GTF2F2: variants seen among roughly 807,000 people sequenced by gnomAD.
GTF2F2 encodes general transcription factor IIF subunit 2, also known as ATP-dependent helicase GTF2F2.
A neutral mutation model predicts 42.2 loss-of-function variants in GTF2F2; 23 were observed. That is an observed-to-expected ratio of 0.55 (90% CI 0.39 to 0.77). The LOEUF is 0.77. Ranked by LOEUF, GTF2F2 falls within the 30% of genes least tolerant of loss-of-function variation. GTF2F2 has a pLI of 0.00. For missense variants in GTF2F2, 261 were observed against 287.2 expected (o/e 0.91, Z 0.66); for synonymous variants, 105 against 100.8 (o/e 1.04, Z -0.25).
intron 7 of GTF2F2, among the ~76,000 whole-genome samples, chr13:45,280,177 C>G (rs1555274165): frequency 1.3e-5 from 2 of 152,062 alleles, no homozygotes. Flanking sequence ...CACGCAGATG[C>G]AGAAATGGGA....
intron 4 of GTF2F2, among the ~76,000 whole-genome samples, chr13:45,168,408 C>T (rs1331847214): frequency 1.3e-5 from 2 of 152,194 alleles, no homozygotes; most frequent in East Asian, 3.9e-4. Context: ...TGGCGTTCAG[C>T]CAATATCTGC....
chr13:45,120,734 AG>A lies in GTF2F2; in HGVS notation c.66+14del, dbSNP rs889331077. The A allele has an allele frequency of 2.6e-6, 4 of 1,543,482 alleles. No individual in the cohort carries two copies. In the African/African-American group the frequency reaches 5.5e-5, roughly 21 times the overall value. On this transcript the variant is annotated intron_variant, in intron 1 of 7. Coordinates refer to ENST00000340473, the MANE Select transcript of GTF2F2 (RefSeq NM_004128.3). ...GTGGCTAGTCAAGGTAATGTTCGCG[AG>A]TCTCCCACTTGCGCTCCTCCTAACA...
chr13:45,205,847 C>A (rs1271607349), intron 4 of GTF2F2, among the ~76,000 whole-genome samples: 1 of 152,106 alleles, frequency 6.6e-6, no homozygotes, highest in Non-Finnish European at 1.5e-5. Flanking sequence ...GATTAATTGT[C>A]TTCCTTTATT....
chr13:45,265,121 T>G (rs1475284384), intron 6 of GTF2F2, among the ~76,000 whole-genome samples: 1 of 152,072 alleles, frequency 6.6e-6, no homozygotes, highest in African/African-American at 2.4e-5. Flanking sequence ...TAGCTGGGCA[T>G]GGTGGTGCGC....
intron 4 of GTF2F2, among the ~76,000 whole-genome samples, chr13:45,167,390 C>T (rs898727391): frequency 7.0e-6 from 1 of 143,286 alleles, no homozygotes; most frequent in Admixed American, 7.1e-5. Context: ...CTAATTTCAC[C>T]CAGCTATTTT....
intron 7 of GTF2F2, among the ~76,000 whole-genome samples, chr13:45,270,473 T>C (rs897883915): frequency 6.6e-6 from 1 of 152,194 alleles, no homozygotes; most frequent in Non-Finnish European, 1.5e-5. Flanking sequence ...GTGAGGAGGC[T>C]GAGCGTGCTA....
chr13:45,259,750 C>T (rs917109712), intron 6 of GTF2F2, among the ~76,000 whole-genome samples: 5 of 147,422 alleles, frequency 3.4e-5, no homozygotes, highest in African/African-American at 1.0e-4. Flanking sequence ...CTCCGCCTCC[C>T]GGATTCATGC....
intron 4 of GTF2F2, among the ~76,000 whole-genome samples, chr13:45,152,897 A>G (rs960812361): frequency 6.6e-6 from 1 of 152,222 alleles, no homozygotes; most frequent in African/African-American, 2.4e-5. Flanking sequence ...AAGCTTATTG[A>G]CAAAAGAAAA....
At chr13:45,225,228 C>A (rs1874282162) in intron 5 of GTF2F2, among the ~76,000 whole-genome samples, 1 of 152,178 alleles carries the variant, frequency 6.6e-6, no homozygotes, top group African/African-American at 2.4e-5. Context: ...GGAGGTACAA[C>A]TTTCGGATAA....
At chr13:45,159,604 T>TA (rs781634808) in intron 4 of GTF2F2, among the ~76,000 whole-genome samples, 1 of 152,140 alleles carries the variant, frequency 6.6e-6, no homozygotes, top group East Asian at 1.9e-4. Flanking sequence ...TACAAAAAAT[T>TA]ACAGACTACA....
chr13:45,254,475 C>T (rs1876016496), intron 6 of GTF2F2, among the ~76,000 whole-genome samples: 1 of 152,050 alleles, frequency 6.6e-6, no homozygotes, highest in African/African-American at 2.4e-5. Flanking sequence ...ATTATGTATA[C>T]TTTGTGCCAG....
chr13:45,273,934 A>C (rs534006511), intron 7 of GTF2F2, among the ~76,000 whole-genome samples: 3 of 152,182 alleles, frequency 2.0e-5, no homozygotes, highest in Non-Finnish European at 1.5e-5. Flanking sequence ...TCCCTCGGGA[A>C]AGAAATAATT....
chr13:45,277,143 A>G (rs563725445), intron 7 of GTF2F2, among the ~76,000 whole-genome samples: 6 of 152,334 alleles, frequency 3.9e-5, no homozygotes, highest in African/African-American at 1.2e-4. Flanking sequence ...GTTTCCTAGC[A>G]TCGCCTTTCC....
intron 5 of GTF2F2, among the ~76,000 whole-genome samples, chr13:45,247,392 T>TTTTG (rs931102336): frequency 2.0e-5 from 3 of 151,742 alleles, no homozygotes; most frequent in African/African-American, 4.8e-5. Context: ...TACCTGGTTT[T>TTTTG]TTTGTTTGTT....
At chr13:45,280,722 C>G (rs1191881646) in intron 7 of GTF2F2, among the ~76,000 whole-genome samples, 1 of 152,186 alleles carries the variant, frequency 6.6e-6, no homozygotes, top group Non-Finnish European at 1.5e-5. Context: ...TTGTACACTT[C>G]AGACTTTATT....
chr13:45,192,587 G>C (rs1215389450), intron 4 of GTF2F2, among the ~76,000 whole-genome samples: 3 of 152,138 alleles, frequency 2.0e-5, no homozygotes, highest in African/African-American at 7.2e-5. Context: ...TAAAGAACAA[G>C]TGAAATGATT....
At chr13:45,234,650 T>C (rs1593507697) in intron 5 of GTF2F2, among the ~76,000 whole-genome samples, 1 of 152,352 alleles carries the variant, frequency 6.6e-6, no homozygotes, top group East Asian at 1.9e-4. Context: ...ACTTGCATGT[T>C]GGCCAGGTAA....
chr13:45,248,317 C>G (rs745433024), intron 5 of GTF2F2, among the ~76,000 whole-genome samples: 8 of 152,250 alleles, frequency 5.3e-5, no homozygotes, highest in African/African-American at 1.9e-4. Flanking sequence ...AGCACTTTCT[C>G]TATGTCTATG....
intron 7 of GTF2F2, among the ~76,000 whole-genome samples, chr13:45,268,692 A>G (rs943893615): frequency 5.9e-5 from 9 of 152,106 alleles, no homozygotes; most frequent in Admixed American, 3.3e-4. Context: ...ATATATAAAT[A>G]TATCTGTATG....
Sources: allele counts gnomAD v4.1 joint callset (sites outside exome capture counted in the v4.1 genomes callset), GRCh38; gene constraint gnomAD v4.1.1; transcripts MANE v1.5; gene names NCBI Gene and HGNC (gene_info 2026-07-23, HGNC 2026-07-21).